Variants in SEMA5B observed in about 807,000 individuals in gnomAD.
SEMA5B encodes the protein semaphorin-5B.
A neutral mutation model predicts 135.0 loss-of-function variants in SEMA5B; 66 were observed. The observed-to-expected ratio is 0.49, with a 90% CI of 0.40 to 0.60. The LOEUF (loss-of-function observed/expected upper bound fraction) is 0.60, where lower values mean the gene tolerates loss of function less well. SEMA5B is among the 20% of genes least tolerant of loss of function. The pLI, the probability that SEMA5B is intolerant of heterozygous loss-of-function variation, is 0.00. For missense variants in SEMA5B, 1,501 were observed against 1,566.3 expected, an observed-to-expected ratio of 0.96 and a Z score of 0.70; for synonymous variants, 690 against 639.5, an observed-to-expected ratio of 1.08 and a Z score of -1.19.
rs560503381 is a variant in SEMA5B at position 122,988,264 on chromosome 3, G to A, written c.-38-26963C>T. Among the ~76,000 whole-genome samples, 15 of 152,324 alleles carry A rather than the reference G, an allele frequency of 9.8e-5. No homozygotes were observed. The East Asian group carries it at 2.1e-3, about 22-fold the overall frequency. On this transcript the variant is annotated intron_variant, in intron 1 of 22. Coordinates refer to ENST00000357599, the MANE Select transcript of SEMA5B (RefSeq NM_001031702.4). The stretch of plus-strand genomic sequence containing the variant: ...AAACTGAGGCGATAGGGTTTTAATG[G>A]CAGAGCCAGGAACTCACAGCCAGGT...
In SEMA5B at chr3:122,929,678, A is replaced by T. The variant is rs372447430; in HGVS notation, c.475-620T>A. ...TGTTCCCACAGTCTTAAGGGCTAGG[A>T]CTTCCCCTTTCCTAATTGCTCTCCT... On this transcript the variant is annotated intron_variant, in intron 5 of 22. Coordinates refer to ENST00000357599, the MANE Select transcript of SEMA5B (RefSeq NM_001031702.4). 7.2e-5 allele frequency among the ~76,000 whole-genome samples: 11 copies of T among 152,178 alleles called. 2 individuals carry two copies. The highest frequency in any genetic ancestry group is 6.5e-5 in the Admixed American group (1 of 15,300).
At chr3:123,021,743 C>T (rs1056827760) in intron 1 of SEMA5B, among the ~76,000 whole-genome samples, 2 of 152,196 alleles carry the variant, frequency 1.3e-5, no homozygotes, top group Admixed American at 6.5e-5. Context: ...GACAGAACTG[C>T]GGTTAATCCA....
intron 1 of SEMA5B, among the ~76,000 whole-genome samples, chr3:123,002,920 G>A (rs568837821): frequency 9.2e-5 from 14 of 152,254 alleles, no homozygotes; most frequent in African/African-American, 3.4e-4. Context: ...CGGAGATAAG[G>A]ATGAGGTGGC....
At chr3:122,970,443 A>G (rs1399679173) in intron 1 of SEMA5B, among the ~76,000 whole-genome samples, 1 of 152,154 alleles carries the variant, frequency 6.6e-6, no homozygotes, top group Non-Finnish European at 1.5e-5. Flanking sequence ...AGATTTTGCA[A>G]TTCTAGCAAG....
intron 21 of SEMA5B, 49 bp downstream of exon 21, chr3:122,911,442 C>A (rs530571824): frequency 1.9e-6 from 3 of 1,585,474 alleles, no homozygotes; most frequent in Non-Finnish European, 1.7e-6. Flanking sequence ...GAGTGGGGTG[C>A]CGGAGGGCTG....
chr3:122,926,173 G>A (rs1006358369), intron 9 of SEMA5B, among the ~76,000 whole-genome samples: 11 of 152,260 alleles, frequency 7.2e-5, no homozygotes, highest in South Asian at 4.1e-4. Flanking sequence ...GCAGCCTAAG[G>A]CAGATTTATT....
intron 5 of SEMA5B, among the ~76,000 whole-genome samples, chr3:122,934,203 G>A (rs112353963): frequency 1.0e-4 from 15 of 149,068 alleles, no homozygotes; most frequent in Non-Finnish European, 2.1e-4. Flanking sequence ...CACCGTGCCC[G>A]GCCCAAAAAT....
intron 1 of SEMA5B, among the ~76,000 whole-genome samples, chr3:123,018,704 C>T (rs951262347): frequency 6.6e-6 from 1 of 152,144 alleles, no homozygotes; most frequent in African/African-American, 2.4e-5. Flanking sequence ...CAGGTCTGTC[C>T]CCAACATCCA....
At position 122,912,996 on chromosome 3, in the gene SEMA5B, C is replaced by T. The variant is rs1358714832; in HGVS notation, c.2572G>A (p.Ala858Thr). ...SPHTVSGGWAAWGPWSSCSRD... is the reference protein window; with the variant it reads ...SPHTVSGGWATWGPWSSCSRD... Reference sequence around the variant, plus strand: ...GAGCAGGACGACCACGGGCCCCAGGCGGCCCAGCCCCCGCTCACCGTGTGC... The same window carrying T: ...GAGCAGGACGACCACGGGCCCCAGGTGGCCCAGCCCCCGCTCACCGTGTGC... The change falls in exon 18 of 23, where the codon GCC becomes ACC. Residue 858 changes from alanine to threonine, a missense_variant. Coordinates refer to ENST00000357599, the MANE Select transcript of SEMA5B (RefSeq NM_001031702.4). The T allele has an allele frequency of 6.2e-7, 1 of 1,607,268 alleles. No homozygotes were observed. The highest frequency in any genetic ancestry group is 2.2e-5 in the East Asian group (1 of 44,582).
At chr3:122,968,768 T>C (rs1940985342) in intron 1 of SEMA5B, among the ~76,000 whole-genome samples, 1 of 152,160 alleles carries the variant, frequency 6.6e-6, no homozygotes, top group Admixed American at 6.5e-5. Context: ...CTCAGCTGGG[T>C]TTGGTACCCA....
chr3:122,950,628 T>G (rs1407760796), intron 2 of SEMA5B, among the ~76,000 whole-genome samples: 1 of 152,242 alleles, frequency 6.6e-6, no homozygotes, highest in East Asian at 1.9e-4. Flanking sequence ...TTATTTCAAT[T>G]CATTTCTCTA....
intron 1 of SEMA5B, among the ~76,000 whole-genome samples, chr3:122,984,251 C>T (rs985485122): frequency 3.3e-5 from 5 of 152,210 alleles, no homozygotes; most frequent in Non-Finnish European, 7.3e-5. Flanking sequence ...GAAGGTCCAG[C>T]GGGAACTCTC....
At chr3:123,026,266 T>A (rs1328186576) in intron 1 of SEMA5B, among the ~76,000 whole-genome samples, 1 of 152,140 alleles carries the variant, frequency 6.6e-6, no homozygotes, top group East Asian at 1.9e-4. Context: ...AAGGAGTGCA[T>A]GCCAGGGTAG....
intron 2 of SEMA5B, among the ~76,000 whole-genome samples, chr3:122,958,635 C>T (rs1003271189): frequency 2.6e-5 from 4 of 152,188 alleles, no homozygotes; most frequent in African/African-American, 4.8e-5. Flanking sequence ...AGATTTGATA[C>T]GGATTTTCCT....
At chr3:122,997,523 C>CCCCCT (rs1560427262) in intron 1 of SEMA5B, among the ~76,000 whole-genome samples, 29 of 151,968 alleles carry the variant, frequency 1.9e-4, no homozygotes, top group African/African-American at 7.0e-4. Flanking sequence ...GCCTCTCCCC[C>CCCCCT]CCCCGTCTCC....
At chr3:122,996,258 C>T (rs1013915174) in intron 1 of SEMA5B, among the ~76,000 whole-genome samples, 2 of 152,224 alleles carry the variant, frequency 1.3e-5, no homozygotes, top group African/African-American at 2.4e-5. Flanking sequence ...TTGGCGGCTA[C>T]GGGTGGCAGA....
chr3:123,023,165 C>T (rs1985665), intron 1 of SEMA5B, among the ~76,000 whole-genome samples: 38,919 of 152,126 alleles, frequency 0.26, 9,347 homozygotes, highest in African/African-American at 0.64. Flanking sequence ...CAATGAAATT[C>T]CATTAGTCCA....
chr3:123,017,413 C>T (rs190607162), intron 1 of SEMA5B, among the ~76,000 whole-genome samples: 5 of 152,264 alleles, frequency 3.3e-5, no homozygotes, highest in African/African-American at 4.8e-5. Flanking sequence ...AAAGCAGCCA[C>T]GCTGTGTTTG....
chr3:122,942,020 T>C (rs2107524916), intron 4 of SEMA5B, among the ~76,000 whole-genome samples: 1 of 152,356 alleles, frequency 6.6e-6, no homozygotes, highest in South Asian at 2.1e-4. Context: ...ACCTCACCAC[T>C]AGGTGAACCT....
Sources: gnomAD v4.1 joint callset for allele counts (sites outside exome capture counted in the v4.1 genomes callset) on GRCh38, gnomAD v4.1.1 for gene constraint, MANE v1.5 for transcripts, NCBI Gene and HGNC (gene_info 2026-07-23, HGNC 2026-07-21) for gene names.